Variants in FUT8 observed in about 807,000 individuals in gnomAD.
The protein encoded by FUT8 is fucosyltransferase 8, also known as alpha-(1,6)-fucosyltransferase.
Under a neutral mutation model 71.3 loss-of-function variants are expected in FUT8, and 29 were observed. The observed-to-expected ratio is 0.41, with a 90% confidence interval of 0.30 to 0.55. FUT8 has a LOEUF of 0.55. FUT8 is among the 20% of genes least tolerant of loss of function. The pLI is 0.34. For missense variants in FUT8, 544 were observed against 702.1 expected, an observed-to-expected ratio of 0.77 and a Z score of 2.55; for synonymous variants, 254 against 239.3, an observed-to-expected ratio of 1.06 and a Z score of -0.57.
At chr14:65,542,164 TC>T (rs1884712806) in intron 2 of FUT8, among the ~76,000 whole-genome samples, 1 of 152,190 alleles carries the variant, frequency 6.6e-6, no homozygotes, top group Non-Finnish European at 1.5e-5. Flanking sequence ...ATAAATGTAA[TC>T]GTTATTATTA....
At chr14:65,546,404 G>A (rs895841866) in intron 2 of FUT8, among the ~76,000 whole-genome samples, 5 of 151,742 alleles carry the variant, frequency 3.3e-5, no homozygotes, top group African/African-American at 7.2e-5. Flanking sequence ...TTTATTGGCC[G>A]AAAATAGAGT....
rs114858109 is a variant in FUT8 at position 65,685,319 on chromosome 14, A to C, written c.835+15839A>C. 7.1e-3 allele frequency among the ~76,000 whole-genome samples: 1,075 copies of C among 152,352 alleles called. 13 individuals carry two copies. The highest frequency in any genetic ancestry group is 0.023 in the African/African-American group (974 of 41,574). ...TTTGCTTTCTCTCAGTGGCCGTATA[A>C]AACAGTGAGAATAATGCAGTCAACT... is the stretch of plus-strand genomic sequence containing the variant. On this transcript the variant is annotated intron_variant, in intron 7 of 10. Coordinates refer to ENST00000673929, the MANE Select transcript of FUT8 (RefSeq NM_001371533.1).
At chr14:65,519,215 TA>T (rs892998832) in intron 2 of FUT8, among the ~76,000 whole-genome samples, 7 of 152,054 alleles carry the variant, frequency 4.6e-5, no homozygotes, top group African/African-American at 1.7e-4. Flanking sequence ...GTTCATTCAT[TA>T]AAAAAATGGA....
At chr14:65,601,168 A>T (rs943274480) in intron 3 of FUT8, among the ~76,000 whole-genome samples, 5 of 152,190 alleles carry the variant, frequency 3.3e-5, no homozygotes, top group African/African-American at 1.2e-4. Flanking sequence ...TTTGAAAATT[A>T]TAAATAAATA....
chr14:65,423,192 G>T lies in FUT8; in HGVS notation c.-326+9978G>T, dbSNP rs148585283. Among the ~76,000 whole-genome samples the T allele has an allele frequency of 3.3e-3, 492 of 150,698 alleles. 4 individuals are homozygous for T. The East Asian group carries it at 0.036, about 11-fold the overall frequency. The stretch of plus-strand genomic sequence containing the variant: ...GTAGAGACGGGGTTTCACCATATCG[G>T]CCAGGCTGGTCTCGAACTCCTGACC... On this transcript the variant is annotated intron_variant, in intron 1 of 10. Coordinates refer to ENST00000673929, the MANE Select transcript of FUT8 (RefSeq NM_001371533.1).
chr14:65,507,613 T>C (rs990674321), intron 2 of FUT8, among the ~76,000 whole-genome samples: 2 of 152,242 alleles, frequency 1.3e-5, no homozygotes, highest in Non-Finnish European at 2.9e-5. Context: ...GTTCCATCCA[T>C]GTTGCACATG....
At chr14:65,520,643 A>T (rs774149242) in intron 2 of FUT8, among the ~76,000 whole-genome samples, 2 of 151,966 alleles carry the variant, frequency 1.3e-5, no homozygotes, top group Non-Finnish European at 2.9e-5. Context: ...CCACAAGATC[A>T]TTTTAGTGTA....
chr14:65,376,762 T>C, the FUT8 span, among the ~76,000 whole-genome samples: 1 of 152,192 alleles, frequency 6.6e-6, no homozygotes, highest in African/African-American at 2.4e-5. Context: ...GACAAGTTCA[T>C]CTTCAAGAAA....
At chr14:65,549,971 G>A (rs2139999884) in intron 2 of FUT8, among the ~76,000 whole-genome samples, 1 of 152,310 alleles carries the variant, frequency 6.6e-6, no homozygotes, top group Non-Finnish European at 1.5e-5. Context: ...TGAGGCAGGA[G>A]AATCGCTTGA....
chr14:65,563,807 C>G (rs2140052446), intron 3 of FUT8, among the ~76,000 whole-genome samples: 1 of 152,024 alleles, frequency 6.6e-6, no homozygotes, highest in East Asian at 1.9e-4. Context: ...GTTTTTCTTT[C>G]TGCAAAATAA....
chr14:65,510,910 TGC>T (rs1397924794), intron 2 of FUT8, among the ~76,000 whole-genome samples: 5 of 152,162 alleles, frequency 3.3e-5, no homozygotes, highest in Admixed American at 1.3e-4. Context: ...CCTGTATTTC[TGC>T]TCTCATCTTT....
chr14:65,383,328 G>A, the FUT8 span, among the ~76,000 whole-genome samples: 1 of 134,356 alleles, frequency 7.4e-6, no homozygotes, highest in African/African-American at 2.8e-5. Context: ...AGGCTGGAGT[G>A]CAGTGGCATG....
intron 2 of FUT8, among the ~76,000 whole-genome samples, chr14:65,558,792 C>T (rs1456545434): frequency 6.6e-6 from 1 of 151,868 alleles, no homozygotes; most frequent in African/African-American, 2.4e-5. Flanking sequence ...TTTTCTTGAC[C>T]CCAAAACTGG....
intron 2 of FUT8, among the ~76,000 whole-genome samples, chr14:65,520,032 G>GC (rs200605926): frequency 0.016 from 2,377 of 152,232 alleles, 52 homozygotes; most frequent in East Asian, 0.093. Flanking sequence ...GGCTGCCTTG[G>GC]CCTCCTAAAG....
chr14:65,383,627 A>T, the FUT8 span, among the ~76,000 whole-genome samples: 4 of 152,142 alleles, frequency 2.6e-5, no homozygotes, highest in Non-Finnish European at 5.9e-5. Flanking sequence ...GGCCCTCATT[A>T]TCTGGCCCCA....
chr14:65,662,807 C>T (rs1394615499), intron 6 of FUT8, among the ~76,000 whole-genome samples: 1 of 151,922 alleles, frequency 6.6e-6, no homozygotes, highest in African/African-American at 2.4e-5. Context: ...AACCAAATCA[C>T]ACAACTGAGT....
chr14:65,436,516 C>T (rs1399576884), intron 1 of FUT8, among the ~76,000 whole-genome samples: 2 of 151,524 alleles, frequency 1.3e-5, no homozygotes, highest in South Asian at 4.2e-4. Flanking sequence ...TGTAGTCCAG[C>T]TACTGGGGAG....
chr14:65,665,094 G>A (rs537087347), intron 6 of FUT8, among the ~76,000 whole-genome samples: 62 of 152,228 alleles, frequency 4.1e-4, no homozygotes, highest in African/African-American at 1.4e-3. Flanking sequence ...TTGTGAAAAT[G>A]GCTGGTAGCT....
chr14:65,552,517 C>T (rs1242269078), intron 2 of FUT8, among the ~76,000 whole-genome samples: 1 of 152,128 alleles, frequency 6.6e-6, no homozygotes, highest in Non-Finnish European at 1.5e-5. Context: ...ATAAAATTTA[C>T]ATAACATGAA....
Sources: allele counts gnomAD v4.1 joint callset (sites outside exome capture counted in the v4.1 genomes callset), GRCh38; gene constraint gnomAD v4.1.1; transcripts MANE v1.5; gene names NCBI Gene and HGNC (gene_info 2026-07-23, HGNC 2026-07-21).